Variants in RGL1 observed in about 807,000 individuals in gnomAD.
RGL1 encodes the protein ral guanine nucleotide dissociation stimulator-like 1.
Under a neutral mutation model 95.2 loss-of-function variants are expected in RGL1, and 24 were observed. The observed-to-expected ratio is 0.25, with a 90% CI of 0.18 to 0.35. RGL1 has a LOEUF of 0.35. RGL1 is among the 10% of genes least tolerant of loss of function. The pLI, the probability that RGL1 is intolerant of heterozygous loss-of-function variation, is 1.00. For synonymous variants in RGL1, 329 were observed against 344.9 expected, an observed-to-expected ratio of 0.95 and a Z score of 0.51; for missense variants, 715 against 936.3, an observed-to-expected ratio of 0.76 and a Z score of 3.08.
At position 183,926,080 on chromosome 1, in the gene RGL1, TCTTATCTTTC is replaced by T. The variant is rs781208862; in HGVS notation, c.2120-15_2120-6del. On this transcript the variant is annotated splice_polypyrimidine_tract_variant and intron_variant, in intron 17 of 17. Transcript: ENST00000360851. ...TGAGCTGACCTCCACAAGCTGACCA[TCTTATCTTTC>T]CTTATCTTTTTCAGAACTTGTGATT... The T allele has an allele frequency of 1.7e-5, 27 of 1,603,694 alleles. 1 individual carries two copies. The African/African-American group carries it at 2.3e-4, about 13-fold the overall frequency.
chr1:183,767,847 G>A (rs1158032736), intron 2 of RGL1, among the ~76,000 whole-genome samples: 1 of 152,120 alleles, frequency 6.6e-6, no homozygotes, highest in Non-Finnish European at 1.5e-5. Context: ...CAGCTACTCA[G>A]GAGGCCAAGG....
chr1:183,819,604 C>T (rs1415967641), intron 2 of RGL1, among the ~76,000 whole-genome samples: 3 of 151,930 alleles, frequency 2.0e-5, no homozygotes, highest in Non-Finnish European at 2.9e-5. Flanking sequence ...TTACATTGTC[C>T]CAAATGTAAT....
Position 183,927,411 on chromosome 1 carries a change from G to A in RGL1, c.*1119G>A, listed in dbSNP as rs1212083889. 6.6e-6 allele frequency: 1 copy of A among 152,318 alleles called. No homozygotes were observed. The highest frequency in any genetic ancestry group is 1.5e-5 in the Non-Finnish European group (1 of 68,038). 9.4% of individuals were successfully genotyped at this position (152,318 alleles called of 1,614,324 possible). ...TCCCGTTAATAGCCCCTCAGAAGAT[G>A]TTCCCTGCTGATAACAGCATCCTAT... On this transcript the variant is annotated 3_prime_UTR_variant, in exon 18 of 18. Transcript: ENST00000360851.
chr1:183,873,475 G>A (rs897145276), intron 4 of RGL1, among the ~76,000 whole-genome samples: 2 of 152,194 alleles, frequency 1.3e-5, no homozygotes, highest in East Asian at 3.8e-4. Flanking sequence ...AGATCAGGCA[G>A]GTGGTTAAGT....
intron 2 of RGL1, among the ~76,000 whole-genome samples, chr1:183,813,564 A>C (rs1661869493): frequency 6.6e-6 from 1 of 152,202 alleles, no homozygotes; most frequent in African/African-American, 2.4e-5. Flanking sequence ...AAACAAATTG[A>C]ATCTGAAGAC....
At chr1:183,826,654 T>C (rs1234441110) in intron 2 of RGL1, among the ~76,000 whole-genome samples, 1 of 152,222 alleles carries the variant, frequency 6.6e-6, no homozygotes, top group East Asian at 1.9e-4. Context: ...TCTATTTATG[T>C]CAGTTTCTCT....
chr1:183,785,242 A>C (rs775741544), intron 2 of RGL1, among the ~76,000 whole-genome samples: 6 of 152,136 alleles, frequency 3.9e-5, no homozygotes, highest in Non-Finnish European at 8.8e-5. Flanking sequence ...CTCCCATTGC[A>C]CTAATCCTTC....
chr1:183,851,523 C>T (rs940753409), intron 3 of RGL1, among the ~76,000 whole-genome samples: 3 of 152,100 alleles, frequency 2.0e-5, no homozygotes, highest in African/African-American at 7.2e-5. Context: ...TCCATAAGAC[C>T]TGGATCCACC....
chr1:183,900,056 C>G, intron 10 of RGL1, 94 bp from the exon 11 acceptor site: 1 of 945,718 alleles, frequency 1.1e-6, no homozygotes, highest in South Asian at 1.4e-5. Context: ...GCAGTTAGGC[C>G]TTGAATACAT....
At chr1:183,751,120 C>G (rs540814760) in intron 2 of RGL1, among the ~76,000 whole-genome samples, 1 of 152,362 alleles carries the variant, frequency 6.6e-6, no homozygotes, top group South Asian at 2.1e-4. Context: ...CTCTTCAGAG[C>G]TGGCAGGCAG....
intron 1 of RGL1, among the ~76,000 whole-genome samples, chr1:183,661,443 A>C (rs1395278274): frequency 6.6e-6 from 1 of 152,230 alleles, no homozygotes; most frequent in Non-Finnish European, 1.5e-5. Context: ...TATGCAAATA[A>C]ACTAGAAAAT....
In RGL1 at chr1:183,734,664, T is replaced by C. The variant is rs367755761; in HGVS notation, c.-32-7462T>C. ...CATTCAGCCAGTTAAAGCTGGTGTTTACAGAATTGTGAAACATTTGAGCCT... is the reference window on the plus strand; with the variant it reads ...CATTCAGCCAGTTAAAGCTGGTGTTCACAGAATTGTGAAACATTTGAGCCT... On this transcript the variant is annotated intron_variant, in intron 1 of 18. Transcript: ENST00000304685. Among the ~76,000 whole-genome samples, 28 of 152,354 alleles carry C rather than the reference T, an allele frequency of 1.8e-4. 1 individual carries two copies. The East Asian group carries it at 4.4e-3, about 24-fold the overall frequency.
intron 1 of RGL1, among the ~76,000 whole-genome samples, chr1:183,672,960 T>C (rs760211320): frequency 2.4e-4 from 37 of 152,378 alleles, no homozygotes; most frequent in Non-Finnish European, 3.8e-4. Flanking sequence ...TAGGTAAACA[T>C]GTGCCATGGT....
chr1:183,669,926 C>G (rs1006269417), intron 1 of RGL1, among the ~76,000 whole-genome samples: 1 of 152,154 alleles, frequency 6.6e-6, no homozygotes, highest in Non-Finnish European at 1.5e-5. Flanking sequence ...AGAACAGCAG[C>G]ATGGGGGTAA....
chr1:183,743,985 C>T (rs1330937871), intron 2 of RGL1, among the ~76,000 whole-genome samples: 2 of 152,146 alleles, frequency 1.3e-5, no homozygotes, highest in Non-Finnish European at 2.9e-5. Context: ...GCTCAGGGTG[C>T]CAATCCTGGC....
chr1:183,699,612 A>G (rs548833158), intron 1 of RGL1, among the ~76,000 whole-genome samples: 1 of 152,286 alleles, frequency 6.6e-6, no homozygotes, highest in South Asian at 2.1e-4. Flanking sequence ...ATCCCCAGCT[A>G]GAGCCACTAG....
chr1:183,790,450 G>A (rs1357288467), intron 2 of RGL1, among the ~76,000 whole-genome samples: 3 of 152,186 alleles, frequency 2.0e-5, no homozygotes, highest in African/African-American at 7.2e-5. Context: ...AATTAATCAA[G>A]TTGAACAATT....
chr1:183,666,852 A>G (rs973819898), intron 1 of RGL1, among the ~76,000 whole-genome samples: 2 of 152,216 alleles, frequency 1.3e-5, no homozygotes, highest in Non-Finnish European at 2.9e-5. Flanking sequence ...ATAAATGTCA[A>G]TTATATCCAG....
At chr1:183,888,750 G>T (rs552172828) in intron 8 of RGL1, among the ~76,000 whole-genome samples, 173 bp downstream of exon 8, 1 of 152,280 alleles carries the variant, frequency 6.6e-6, no homozygotes, top group African/African-American at 2.4e-5. Flanking sequence ...TTGAGGCAGG[G>T]CTCCTGCAGA....
Sources: gnomAD v4.1 joint callset for allele counts (sites outside exome capture counted in the v4.1 genomes callset) on GRCh38, gnomAD v4.1.1 for gene constraint, MANE v1.5 for transcripts, NCBI Gene and HGNC (gene_info 2026-07-23, HGNC 2026-07-21) for gene names.